Variants in MDGA2 observed in about 807,000 individuals in gnomAD.
The protein encoded by MDGA2 is MAM domain containing glycosylphosphatidylinositol anchor 2, also known as MAM domain-containing glycosylphosphatidylinositol anchor protein 2.
Under a neutral mutation model 117.8 loss-of-function variants are expected in MDGA2, and 40 were observed. The ratio of observed to expected loss-of-function variants is 0.34; its 90% CI spans 0.26 to 0.44. MDGA2 has a LOEUF of 0.44. Among genes scored for constraint, MDGA2 ranks in the 20% least tolerant of loss-of-function variants. The pLI is 1.00. For missense variants in MDGA2, 1,123 were observed against 1,250.6 expected, an observed-to-expected ratio of 0.90 and a Z score of 1.54; for synonymous variants, 452 against 439.0, an observed-to-expected ratio of 1.03 and a Z score of -0.37.
chr14:47,000,348 TAC>T lies in MDGA2; in HGVS notation c.1819+34661_1819+34662del, dbSNP rs67693623. Among the ~76,000 whole-genome samples the T allele has an allele frequency of 3.0e-4, 25 of 83,288 alleles. 1 individual carries two copies. Among genetic ancestry groups the T allele is most frequent in the African/African-American group, 9.2e-4 (23 of 24,872 alleles). The allele number at this position is 83,288 out of a possible 152,430, so 54.6% of individuals were successfully genotyped here. A position where few individuals can be genotyped will look rare whatever the true frequency, so the allele number is the denominator to read the frequency against. On this transcript the variant is annotated intron_variant, in intron 8 of 16. Coordinates refer to ENST00000399232, the MANE Select transcript of MDGA2 (RefSeq NM_001113498.3). ...ATATATATATTTATATATATATATA[TAC>T]ACACACATATATATGTATATATATA...
At chr14:47,549,876 C>G (rs951497954) in intron 1 of MDGA2, among the ~76,000 whole-genome samples, 2 of 152,178 alleles carry the variant, frequency 1.3e-5, no homozygotes, top group African/African-American at 2.4e-5. Context: ...AGCGACTATG[C>G]TGCACCCTGA....
At chr14:46,980,203 G>C (rs2138375630) in intron 8 of MDGA2, among the ~76,000 whole-genome samples, 1 of 152,234 alleles carries the variant, frequency 6.6e-6, no homozygotes, top group Admixed American at 6.5e-5. Flanking sequence ...ACAGGAGTTT[G>C]GAAAAAGTTG....
chr14:47,525,261 CT>C (rs1894948724), intron 1 of MDGA2, among the ~76,000 whole-genome samples: 1 of 152,174 alleles, frequency 6.6e-6, no homozygotes, highest in African/African-American at 2.4e-5. Context: ...ACATCTCTCA[CT>C]TTTTTATGGT....
intron 1 of MDGA2, among the ~76,000 whole-genome samples, chr14:47,597,278 T>G (rs1354257289): frequency 1.3e-5 from 2 of 152,176 alleles, no homozygotes; most frequent in African/African-American, 2.4e-5. Flanking sequence ...ATAAATGATA[T>G]ATATGAAGTA....
chr14:47,002,396 C>T (rs1294249800), intron 8 of MDGA2, among the ~76,000 whole-genome samples: 2 of 151,836 alleles, frequency 1.3e-5, no homozygotes, highest in Middle Eastern at 3.4e-3. Context: ...ATAAATATTC[C>T]TGATGGATTA....
intron 10 of MDGA2, among the ~76,000 whole-genome samples, chr14:46,888,835 G>A (rs955533087): frequency 2.6e-5 from 4 of 151,586 alleles, no homozygotes; most frequent in Admixed American, 1.3e-4. Flanking sequence ...AGGCATATAT[G>A]TGTGTTTATT....
intron 1 of MDGA2, among the ~76,000 whole-genome samples, chr14:47,388,670 G>C (rs1244547908): frequency 6.6e-6 from 1 of 152,148 alleles, no homozygotes; most frequent in East Asian, 1.9e-4. Flanking sequence ...AAAATTAGGG[G>C]TTTGGAGTGT....
At chr14:47,446,928 T>G (rs1174692061) in intron 1 of MDGA2, among the ~76,000 whole-genome samples, 1 of 152,208 alleles carries the variant, frequency 6.6e-6, no homozygotes, top group Non-Finnish European at 1.5e-5. Flanking sequence ...TCTATTCACA[T>G]ACTATGAATG....
chr14:47,498,230 G>C (rs1894323217), intron 1 of MDGA2, among the ~76,000 whole-genome samples: 2 of 152,100 alleles, frequency 1.3e-5, no homozygotes, highest in Non-Finnish European at 2.9e-5. Flanking sequence ...TCAATATCCA[G>C]ATACCAGAAT....
At chr14:47,008,480 C>T (rs569658941) in intron 8 of MDGA2, among the ~76,000 whole-genome samples, 4 of 151,838 alleles carry the variant, frequency 2.6e-5, no homozygotes, top group Non-Finnish European at 4.4e-5. Flanking sequence ...AGACTGATAT[C>T]CCTTGGTTTC....
intron 9 of MDGA2, among the ~76,000 whole-genome samples, chr14:46,942,867 G>A (rs1885047038): frequency 6.6e-6 from 1 of 152,056 alleles, no homozygotes; most frequent in African/African-American, 2.4e-5. Context: ...TTGTGCATAA[G>A]TCTTTGTGTA....
chr14:47,523,273 A>G (rs555492995), intron 1 of MDGA2, among the ~76,000 whole-genome samples: 2 of 152,320 alleles, frequency 1.3e-5, no homozygotes, highest in East Asian at 3.9e-4. Flanking sequence ...ATTATGGTAA[A>G]ACCTACGTTA....
chr14:47,145,670 C>T (rs924614681), intron 3 of MDGA2, among the ~76,000 whole-genome samples: 3 of 151,990 alleles, frequency 2.0e-5, no homozygotes, highest in Non-Finnish European at 4.4e-5. Context: ...GTCAGCAGAT[C>T]GGAATGATAA....
At chr14:47,674,311 G>C (rs1224697489) in intron 1 of MDGA2, among the ~76,000 whole-genome samples, 2 of 152,226 alleles carry the variant, frequency 1.3e-5, no homozygotes, top group Non-Finnish European at 2.9e-5. Flanking sequence ...CCAACTCCGA[G>C]CCAGAGCCCA....
intron 10 of MDGA2, among the ~76,000 whole-genome samples, chr14:46,917,442 A>G (rs1883945113): frequency 6.6e-6 from 1 of 152,214 alleles, no homozygotes; most frequent in African/African-American, 2.4e-5. Flanking sequence ...CCTGACAGGT[A>G]TAATCTTCAA....
chr14:47,624,984 C>T (rs765915832), intron 1 of MDGA2, among the ~76,000 whole-genome samples: 1 of 152,068 alleles, frequency 6.6e-6, no homozygotes, highest in African/African-American at 2.4e-5. Context: ...CACTTGACAT[C>T]TAAATTTTAA....
At chr14:46,916,421 T>C (rs543129719) in intron 10 of MDGA2, among the ~76,000 whole-genome samples, 1 of 151,050 alleles carries the variant, frequency 6.6e-6, no homozygotes, top group South Asian at 2.1e-4. Context: ...TCCTTTAGAA[T>C]GTAAAAAAAA....
intron 2 of MDGA2, among the ~76,000 whole-genome samples, chr14:47,253,711 C>T (rs1887522861): frequency 6.6e-6 from 1 of 152,164 alleles, no homozygotes; most frequent in Non-Finnish European, 1.5e-5. Flanking sequence ...AGGATGGTGG[C>T]CCTCTTCTCA....
At chr14:47,031,215 TATATA>T (rs1888653531) in intron 8 of MDGA2, among the ~76,000 whole-genome samples, 1 of 135,646 alleles carries the variant, frequency 7.4e-6, no homozygotes, top group Admixed American at 7.4e-5. Context: ...TTTAGAAATA[TATATA>T]TATATATATA....
Sources: gnomAD v4.1 joint callset for allele counts (sites outside exome capture counted in the v4.1 genomes callset) on GRCh38, gnomAD v4.1.1 for gene constraint, MANE v1.5 for transcripts, NCBI Gene and HGNC (gene_info 2026-07-23, HGNC 2026-07-21) for gene names.